HMBOX1: variants seen among roughly 807,000 people sequenced by gnomAD.
HMBOX1 encodes homeobox containing 1, also known as homeobox-containing protein 1.
A neutral mutation model predicts 54.5 loss-of-function variants in HMBOX1; 14 were observed. The ratio of observed to expected loss-of-function variants is 0.26; its 90% CI spans 0.17 to 0.40. The LOEUF (loss-of-function observed/expected upper bound fraction) is 0.40, where lower values mean the gene tolerates loss of function less well. HMBOX1 is among the 10% of genes least tolerant of loss of function. HMBOX1 has a pLI of 1.00. For synonymous variants in HMBOX1, 160 were observed against 181.0 expected (o/e 0.88, Z 0.93); for missense variants, 332 against 514.4 (o/e 0.65, Z 3.43).
intron 1 of HMBOX1, among the ~76,000 whole-genome samples, chr8:28,952,594 C>T (rs771286746): frequency 3.3e-5 from 5 of 151,974 alleles, no homozygotes. Flanking sequence ...TTTAAAAAGG[C>T]TGACTTGTGG....
At chr8:28,908,369 C>A (rs958642463) in intron 1 of HMBOX1, among the ~76,000 whole-genome samples, 4 of 152,144 alleles carry the variant, frequency 2.6e-5, no homozygotes, top group Non-Finnish European at 5.9e-5. Flanking sequence ...GAAGAATTGA[C>A]ATTAATTATA....
chr8:28,957,804 G>A (rs1824749035), intron 1 of HMBOX1, among the ~76,000 whole-genome samples: 1 of 151,834 alleles, frequency 6.6e-6, no homozygotes, highest in South Asian at 2.1e-4. Context: ...TGTATTTTTA[G>A]TATAGACGAG....
intron 6 of HMBOX1, 87 bp downstream of exon 6, chr8:29,019,000 C>T: frequency 8.3e-7 from 1 of 1,208,488 alleles, no homozygotes. Flanking sequence ...TCATTTCAAA[C>T]AAGTAACTTG....
At chr8:29,002,954 A>G (rs968548389) in intron 4 of HMBOX1, among the ~76,000 whole-genome samples, 1 of 152,172 alleles carries the variant, frequency 6.6e-6, no homozygotes, top group Non-Finnish European at 1.5e-5. Context: ...TTTTAAAATA[A>G]TGGACTTGTA....
chr8:28,944,818 T>C, intron 1 of HMBOX1, among the ~76,000 whole-genome samples: 1 of 152,190 alleles, frequency 6.6e-6, no homozygotes, highest in African/African-American at 2.4e-5. Flanking sequence ...AATTTATTCA[T>C]AATTAGAATA....
At chr8:29,044,361 C>CT (rs922828518) in intron 6 of HMBOX1, among the ~76,000 whole-genome samples, 8 of 152,062 alleles carry the variant, frequency 5.3e-5, no homozygotes, top group Non-Finnish European at 1.2e-4. Context: ...TTCTCCTTTT[C>CT]TTTTTTTAAA....
intron 4 of HMBOX1, among the ~76,000 whole-genome samples, chr8:28,981,101 G>A (rs1829263360): frequency 6.6e-6 from 1 of 152,104 alleles, no homozygotes; most frequent in Non-Finnish European, 1.5e-5. Flanking sequence ...GATACATACT[G>A]AAGCTAATTT....
chr8:28,890,718 C>T (rs1270526396), intron 1 of HMBOX1, 40 bp downstream of exon 1: 1 of 152,722 alleles, frequency 6.5e-6, no homozygotes, highest in African/African-American at 2.4e-5. Flanking sequence ...CCTCAAGTCT[C>T]TTTCCTCACT....
At chr8:28,999,588 T>G (rs1832336990) in intron 4 of HMBOX1, among the ~76,000 whole-genome samples, 1 of 152,188 alleles carries the variant, frequency 6.6e-6, no homozygotes, top group Non-Finnish European at 1.5e-5. Context: ...TTTTTCTTTT[T>G]GTTCCTTATA....
chr8:29,019,437 G>T (rs6987955), intron 6 of HMBOX1, among the ~76,000 whole-genome samples: 1 of 151,728 alleles, frequency 6.6e-6, no homozygotes, highest in African/African-American at 2.4e-5. Context: ...GAATTTGACC[G>T]TAGCTTCAAT....
intron 1 of HMBOX1, among the ~76,000 whole-genome samples, chr8:28,902,580 C>T (rs1813440928): frequency 6.6e-6 from 1 of 152,198 alleles, no homozygotes; most frequent in African/African-American, 2.4e-5. Context: ...CCTTAGGCAT[C>T]TCCCTGTCTC....
chr8:28,943,488 TCTTC>T (rs1368873473), intron 1 of HMBOX1, among the ~76,000 whole-genome samples: 1 of 152,180 alleles, frequency 6.6e-6, no homozygotes, highest in African/African-American at 2.4e-5. Flanking sequence ...GATAAGAATG[TCTTC>T]CTTCCTCCTG....
intron 4 of HMBOX1, among the ~76,000 whole-genome samples, chr8:28,992,088 G>A (rs983382867): frequency 1.3e-4 from 20 of 152,248 alleles, no homozygotes; most frequent in East Asian, 1.9e-4. Flanking sequence ...TAGCAATTTG[G>A]TATATAGAGA....
At chr8:28,907,870 A>C (rs1355581327) in intron 1 of HMBOX1, among the ~76,000 whole-genome samples, 2 of 150,488 alleles carry the variant, frequency 1.3e-5, no homozygotes, top group Non-Finnish European at 3.0e-5. Flanking sequence ...TTTTGAGACA[A>C]GTTCTCGCTC....
intron 1 of HMBOX1, among the ~76,000 whole-genome samples, chr8:28,920,099 C>T (rs543009030): frequency 1.3e-5 from 2 of 152,082 alleles, no homozygotes; most frequent in Non-Finnish European, 2.9e-5. Context: ...TTTTTCTACA[C>T]TTCTTCCAAG....
chr8:28,916,586 G>C (rs879419662), intron 1 of HMBOX1, among the ~76,000 whole-genome samples: 1 of 152,104 alleles, frequency 6.6e-6, no homozygotes, highest in Admixed American at 6.5e-5. Context: ...CCATTGAATT[G>C]ACTTTACACC....
intron 1 of HMBOX1, among the ~76,000 whole-genome samples, chr8:28,934,975 A>G (rs1336610712): frequency 6.6e-6 from 1 of 152,078 alleles, no homozygotes; most frequent in Non-Finnish European, 1.5e-5. Context: ...GTACACCGTT[A>G]TATTAGAAAT....
chr8:28,939,384 T>G (rs913617363), intron 1 of HMBOX1, among the ~76,000 whole-genome samples: 14 of 152,148 alleles, frequency 9.2e-5, no homozygotes, highest in African/African-American at 3.1e-4. Context: ...TAGCAGTTCT[T>G]CTATTTTTGC....
chr8:29,048,503 T>A (rs1173635686), intron 8 of HMBOX1: 1 of 152,338 alleles, frequency 6.6e-6, no homozygotes, highest in Non-Finnish European at 1.5e-5. Flanking sequence ...GCTTCTAAAA[T>A]TGCATTTCAT....
Sources: allele counts gnomAD v4.1 joint callset (sites outside exome capture counted in the v4.1 genomes callset), GRCh38; gene constraint gnomAD v4.1.1; transcripts MANE v1.5; gene names NCBI Gene and HGNC (gene_info 2026-07-23, HGNC 2026-07-21).